HSDL1: variants seen among roughly 807,000 people sequenced by gnomAD.
HSDL1 encodes the protein inactive hydroxysteroid dehydrogenase-like protein 1.
HSDL1 carries 29 observed loss-of-function variants against 31.5 expected under a neutral mutation model. That is an observed-to-expected ratio of 0.92 (90% CI 0.69 to 1.26). The LOEUF (loss-of-function observed/expected upper bound fraction) is 1.26, where lower values mean the gene tolerates loss of function less well. HSDL1 is among the 50% of genes most tolerant of loss of function. The pLI, the probability that HSDL1 is intolerant of heterozygous loss-of-function variation, is 0.00. For synonymous variants in HSDL1, 222 were observed against 155.2 expected, an observed-to-expected ratio of 1.43 and a Z score of -3.20; for missense variants, 503 against 416.6, an observed-to-expected ratio of 1.21 and a Z score of -1.81.
chr16:84,130,071 T>C lies in HSDL1; in HGVS notation c.581A>G (p.Glu194Gly), dbSNP rs2086647286. ...CGTGACGATGGCACCTTTCTTTCTC[T>C]CCACCATTCCCGGTAACACAACATG... ...MVHVVLPGMV[E>G]RKKGAIVTIS... The change falls in exon 4 of 6, where the codon GAG becomes GGG. Residue 194 changes from glutamate to glycine, a missense_variant. Coordinates refer to ENST00000219439, the MANE Select transcript of HSDL1 (RefSeq NM_031463.5). The C allele has an allele frequency of 6.2e-7, 1 of 1,614,040 alleles. No homozygotes were observed. The highest frequency in any genetic ancestry group is 8.5e-7 in the Non-Finnish European group (1 of 1,180,042).
chr16:84,130,313 G>C lies in HSDL1; in HGVS notation c.339C>G (p.Asp113Glu). ...KLQVVAKDIA[D>E]TYKVETDIIV... ...TAATATCAGTTTCCACTTTGTACGT[G>C]TCGGCTATGTCTTTAGCAACAACCT... The change falls in exon 4 of 6, where the codon GAC (aspartate) becomes GAG (glutamate). Residue 113 changes from aspartate (D) to glutamate (E), a missense_variant. By Grantham distance (45) the Asp-to-Glu change is conservative. Transcript: ENST00000219439. The C allele has an allele frequency of 6.2e-7, 1 of 1,614,214 alleles. No homozygotes were observed. The highest frequency in any genetic ancestry group is 8.5e-7 in the Non-Finnish European group (1 of 1,180,054).
Position 84,130,163 on chromosome 16 carries a change from A to G in HSDL1, c.489T>C (p.Thr163=), listed in dbSNP as rs1259975555. 6.2e-7 allele frequency: 1 copy of G among 1,614,246 alleles called. No individual in the cohort carries two copies. Residue 163 remains threonine (T), a synonymous_variant, in exon 4 of 6, where the codon ACT becomes ACC. Coordinates refer to ENST00000219439, the MANE Select transcript of HSDL1 (RefSeq NM_031463.5). ...GVFYPYPQYF[T]QLSEDKLWDI... ...CCCAGAGCTTGTCCTCGGACAGCTGAGTGAAATACTGCGGGTAGGGATAAA... is the reference window on the plus strand; with the variant it reads ...CCCAGAGCTTGTCCTCGGACAGCTGGGTGAAATACTGCGGGTAGGGATAAA...
chr16:84,133,617 C>G (rs1408284288), intron 2 of HSDL1, among the ~76,000 whole-genome samples: 3 of 152,180 alleles, frequency 2.0e-5, no homozygotes, highest in African/African-American at 7.2e-5. Flanking sequence ...GTAATCCCAG[C>G]TACTTGGGAG....
intron 4 of HSDL1, 74 bp from the exon 5 acceptor site, chr16:84,129,849 C>A (rs1200241288): frequency 1.4e-6 from 2 of 1,449,072 alleles, no homozygotes; most frequent in Admixed American, 2.1e-5. Context: ...AAAAGACTTG[C>A]TTATTATCAA....
intron 5 of HSDL1, 183 bp from the exon 6 acceptor site, chr16:84,124,911 CAACAAATACCCACCAA>C: frequency 2.2e-6 from 1 of 448,498 alleles, no homozygotes; most frequent in Non-Finnish European, 4.1e-6. Flanking sequence ...CCACCAATCA[CAACAAATACCCACCAA>C]TCACAACAAA....
chr16:84,127,551 T>G (rs2086621221), intron 5 of HSDL1, among the ~76,000 whole-genome samples: 1 of 151,602 alleles, frequency 6.6e-6, no homozygotes, highest in Non-Finnish European at 1.5e-5. Context: ...TCACTTTTCA[T>G]AAAAGTCATA....
Position 84,139,696 on chromosome 16 carries a change from C to T in HSDL1, c.-68-4091G>A, listed in dbSNP as rs548891268. Among the ~76,000 whole-genome samples, 72 of 152,282 alleles carry T rather than the reference C, an allele frequency of 4.7e-4. 1 individual carries two copies. Among genetic ancestry groups the T allele is most frequent in the African/African-American group, 1.7e-3 (72 of 41,550 alleles). The stretch of plus-strand genomic sequence containing the variant: ...TGAACAGTCAGTTCAGCTTTCAGGA[C>T]AGCGAAGAGACAAGCTGAAAACTCT... On this transcript the variant is annotated intron_variant, in intron 1 of 5. Transcript: ENST00000219439.
chr16:84,128,065 G>T (rs1325209345), intron 5 of HSDL1, among the ~76,000 whole-genome samples: 1 of 150,958 alleles, frequency 6.6e-6, no homozygotes, highest in South Asian at 2.1e-4. Context: ...AAGGCGGGTG[G>T]ATCACCTGAG....
intron 1 of HSDL1, among the ~76,000 whole-genome samples, chr16:84,138,668 A>T (rs2086736043): frequency 6.6e-6 from 1 of 152,220 alleles, no homozygotes; most frequent in Non-Finnish European, 1.5e-5. Context: ...TTGTTTTCTC[A>T]TCTCTGCAGA....
In HSDL1 at chr16:84,122,358, A is replaced by C. The variant is rs1597368662; in HGVS notation, c.*2272T>G. 1 of 147,614 alleles carries C rather than the reference A, an allele frequency of 6.8e-6. No homozygotes were observed. The highest frequency in any genetic ancestry group is 1.5e-5 in the Non-Finnish European group (1 of 67,410). 9.1% of individuals were successfully genotyped at this position (147,614 alleles called of 1,614,324 possible). A position where few individuals can be genotyped will look rare whatever the true frequency, so the allele number is the denominator to read the frequency against. ...TAACTTTCAAAGGTTCATATTTCCC[A>C]CGTTCTTTTTTTTTTTTTGAGACAG... On this transcript the variant is annotated 3_prime_UTR_variant, in exon 6 of 6. Coordinates refer to ENST00000219439, the MANE Select transcript of HSDL1 (RefSeq NM_031463.5).
Position 84,129,573 on chromosome 16 carries a change from G to A in HSDL1, c.869C>T (p.Thr290Ile), listed in dbSNP as rs1199098987. The A allele has an allele frequency of 6.2e-7, 1 of 1,613,380 alleles. No homozygotes were observed. Among genetic ancestry groups the A allele is most frequent in the South Asian group, 1.1e-5 (1 of 91,070 alleles). Residue 290 changes from threonine to isoleucine, a missense_variant, in exon 5 of 6, where the codon ACA becomes ATA. Coordinates refer to ENST00000219439, the MANE Select transcript of HSDL1 (RefSeq NM_031463.5). ...VSTLGISKRT[T>I]GYWSHSIQFL... is the part of the protein sequence containing the mutation. Reference sequence around the variant, plus strand: ...CTGAATAGAATGGGACCAATATCCTGTGGTCCTTTTGGAAATCCCAAGAGT... The same window carrying A: ...CTGAATAGAATGGGACCAATATCCTATGGTCCTTTTGGAAATCCCAAGAGT...
intron 1 of HSDL1, among the ~76,000 whole-genome samples, chr16:84,137,143 AG>A (rs2086720419): frequency 6.6e-6 from 1 of 152,242 alleles, no homozygotes; most frequent in Non-Finnish European, 1.5e-5. Flanking sequence ...CAGAAGTCAG[AG>A]AAAGATAAAC....
chr16:84,131,206 G>A lies in HSDL1; in HGVS notation c.116C>T (p.Thr39Ile). ...GAWYTARKSI[T>I]VICDFYSLIR... Reference sequence around the variant, plus strand: ...CAGGCTGTAAAAGTCACAGATGACAGTGATGCTTTTTCTGGCCGTATACCA... The same window carrying A: ...CAGGCTGTAAAAGTCACAGATGACAATGATGCTTTTTCTGGCCGTATACCA... Residue 39 changes from threonine to isoleucine, a missense_variant, in exon 3 of 6, where the codon ACT becomes ATT. By Grantham distance (89) the Thr-to-Ile change is moderately conservative (BLOSUM62 -1). Coordinates refer to ENST00000219439, the MANE Select transcript of HSDL1 (RefSeq NM_031463.5). The A allele has an allele frequency of 6.2e-7, 1 of 1,614,152 alleles. No individual in the cohort carries two copies. Among genetic ancestry groups the A allele is most frequent in the Non-Finnish European group, 8.5e-7 (1 of 1,179,992 alleles).
intron 5 of HSDL1, among the ~76,000 whole-genome samples, chr16:84,126,926 C>T (rs1284610846): frequency 5.9e-5 from 9 of 152,162 alleles, no homozygotes; most frequent in African/African-American, 2.2e-4. Flanking sequence ...CAACTTTATA[C>T]AGAAAACTAC....
intron 5 of HSDL1, among the ~76,000 whole-genome samples, chr16:84,126,468 C>G (rs554743556): frequency 1.3e-5 from 2 of 152,186 alleles, no homozygotes; most frequent in South Asian, 4.2e-4. Flanking sequence ...CAACATCCTA[C>G]AATACACAGG....
intron 2 of HSDL1, among the ~76,000 whole-genome samples, chr16:84,131,988 C>T (rs1250868218): frequency 6.6e-6 from 1 of 152,146 alleles, no homozygotes; most frequent in East Asian, 1.9e-4. Context: ...GAGATTCAGC[C>T]AATTTATGAT....
rs537712039 is a variant in HSDL1, at chr16:84,133,861, T to A, written c.-7+1683A>T. On this transcript the variant is annotated intron_variant, in intron 2 of 5. Transcript: ENST00000219439. Reference sequence around the variant, plus strand: ...ACAATGAGAATGCCAAAGTTCATCATGAAAAGGAAACATTTTAAATTTGAC... The same window carrying A: ...ACAATGAGAATGCCAAAGTTCATCAAGAAAAGGAAACATTTTAAATTTGAC... Among the ~76,000 whole-genome samples, 4 of 152,312 alleles carry A rather than the reference T, an allele frequency of 2.6e-5. No individual in the cohort carries two copies. In the East Asian group the frequency reaches 7.7e-4, roughly 29 times the overall value.
chr16:84,127,291 C>A (rs1268802852), intron 5 of HSDL1, among the ~76,000 whole-genome samples: 1 of 145,076 alleles, frequency 6.9e-6, no homozygotes. Flanking sequence ...GATCAGCTCA[C>A]TGCCACCTCC....
chr16:84,131,911 C>A (rs2086673001), intron 2 of HSDL1, among the ~76,000 whole-genome samples: 1 of 152,204 alleles, frequency 6.6e-6, no homozygotes, highest in Non-Finnish European at 1.5e-5. Context: ...AAACTCCTGA[C>A]CTCAGGTGAT....
Sources: allele counts gnomAD v4.1 joint callset (sites outside exome capture counted in the v4.1 genomes callset), GRCh38; gene constraint gnomAD v4.1.1; transcripts MANE v1.5; gene names NCBI Gene and HGNC (gene_info 2026-07-23, HGNC 2026-07-21).